The following STAB2 variants were observed in gnomAD, a reference collection of about 807,000 sequenced individuals.
STAB2 encodes stabilin 2, also known as stabilin-2.
Under a neutral mutation model 338.1 loss-of-function variants are expected in STAB2, and 288 were observed. That is an observed-to-expected ratio of 0.85 (90% CI 0.77 to 0.94). STAB2 has a LOEUF of 0.94. Among genes scored for constraint, STAB2 ranks in the 40% least tolerant of loss-of-function variants. The pLI, the probability that STAB2 is intolerant of heterozygous loss-of-function variation, is 0.00. For synonymous variants in STAB2, 1,202 were observed against 1,193.3 expected, an observed-to-expected ratio of 1.01 and a Z score of -0.15; for missense variants, 3,141 against 3,210.1, an observed-to-expected ratio of 0.98 and a Z score of 0.52.
In STAB2 at chr12:103,766,420, A is replaced by G; in HGVS notation, c.*84A>G. 6.7e-7 allele frequency: 1 copy of G among 1,488,148 alleles called. No homozygotes were observed. 92.2% of individuals were successfully genotyped at this position (1,488,148 alleles called of 1,614,324 possible). A position where few individuals can be genotyped will look rare whatever the true frequency, so the allele number is the denominator to read the frequency against. ...TTCTCAGCACCAGTTGCCTTTTAGG[A>G]ACGTAAAGTCCTTTAAGCACTCAGA... is the stretch of plus-strand genomic sequence containing the variant. On this transcript the variant is annotated 3_prime_UTR_variant, in exon 69 of 69. Transcript: ENST00000388887.
At position 103,677,487 on chromosome 12, in the gene STAB2, C is replaced by T. The variant is rs763455330; in HGVS notation, c.2681C>T (p.Thr894Ile). 4 of 1,613,940 alleles carry T rather than the reference C, an allele frequency of 2.5e-6. No homozygotes were observed. Among genetic ancestry groups the T allele is most frequent in the South Asian group, 1.1e-5 (1 of 91,074 alleles). The change falls in exon 25 of 69, where the codon ACC becomes ATC. Residue 894 changes from threonine (T) to isoleucine (I), a missense_variant. Coordinates refer to ENST00000388887, the MANE Select transcript of STAB2 (RefSeq NM_017564.10). ...ATCAAAACTGGCACGGGCACCCACACCTGCGTGTGTCAGCAGGGTTGGACA... is the reference window on the plus strand; with the variant it reads ...ATCAAAACTGGCACGGGCACCCACATCTGCGTGTGTCAGCAGGGTTGGACA... ...ECIKTGTGTH[T>I]CVCQQGWTGN...
chr12:103,746,748 G>T, intron 58 of STAB2, 44 bp downstream of exon 58: 2 of 1,592,166 alleles, frequency 1.3e-6, no homozygotes, highest in South Asian at 2.2e-5. Flanking sequence ...CATGGTGTGG[G>T]AGAGGAGCAG....
At chr12:103,736,406 C>A (rs543216862) in intron 52 of STAB2, among the ~76,000 whole-genome samples, 1 of 152,300 alleles carries the variant, frequency 6.6e-6, no homozygotes, top group African/African-American at 2.4e-5. Context: ...ATCTTATGAC[C>A]AGTATCCCTT....
intron 25 of STAB2, among the ~76,000 whole-genome samples, chr12:103,681,714 C>T (rs557725221): frequency 3.5e-4 from 53 of 150,388 alleles, no homozygotes; most frequent in Non-Finnish European, 5.8e-4. Context: ...CTCCACCTCC[C>T]GGGTTCAAGC....
In STAB2 at chr12:103,673,300, C is replaced by T. The variant is rs960823360; in HGVS notation, c.2372-607C>T. ...TCAAAGCGTCACATCCTCTTCCCCA[C>T]ACCCCACACACATATAGATAAAAAG... On this transcript the variant is annotated intron_variant, in intron 22 of 68. Transcript: ENST00000388887. Among the ~76,000 whole-genome samples, 17 of 152,192 alleles carry T rather than the reference C, an allele frequency of 1.1e-4. No homozygotes were observed. The East Asian group carries it at 2.3e-3, about 21-fold the overall frequency.
intron 52 of STAB2, among the ~76,000 whole-genome samples, chr12:103,736,068 G>C (rs1882097450): frequency 6.6e-6 from 1 of 152,168 alleles, no homozygotes; most frequent in African/African-American, 2.4e-5. Flanking sequence ...CTGTCTTCCT[G>C]TAATTCCATA....
chr12:103,669,503 TTGGGGG>T, intron 20 of STAB2, 32 bp from the exon 21 acceptor site: 1 of 1,538,958 alleles, frequency 6.5e-7, no homozygotes, highest in Non-Finnish European at 9.0e-7. Flanking sequence ...GGTGCTCTAC[TTGGGGG>T]TTCAAAGGGG....
chr12:103,745,665 G>T (rs1471336526), intron 57 of STAB2, among the ~76,000 whole-genome samples: 2 of 152,054 alleles, frequency 1.3e-5, no homozygotes, highest in African/African-American at 2.4e-5. Flanking sequence ...CTGACCCCTG[G>T]TTCTGCTACT....
In STAB2 at chr12:103,630,191, A is replaced by G. The variant is rs61010950; in HGVS notation, c.488-1407A>G. Among the ~76,000 whole-genome samples the G allele has an allele frequency of 2.2e-4, 34 of 152,358 alleles. No homozygotes were observed. In the East Asian group the frequency reaches 5.0e-3, roughly 22 times the overall value. On this transcript the variant is annotated intron_variant, in intron 5 of 68. Transcript: ENST00000388887. Reference sequence around the variant, plus strand: ...CAAGACGAGGTATCATGCTACTGCAATAGTCCAGGCAAAACATGATAAAGG... The same window carrying G: ...CAAGACGAGGTATCATGCTACTGCAGTAGTCCAGGCAAAACATGATAAAGG...
At chr12:103,703,463 C>T (rs971568844) in intron 35 of STAB2, among the ~76,000 whole-genome samples, 187 bp downstream of exon 35, 2 of 152,106 alleles carry the variant, frequency 1.3e-5, no homozygotes, top group Non-Finnish European at 2.9e-5. Context: ...AAGACATGAC[C>T]CCTGCCCTCA....
At chr12:103,716,025 C>T (rs1880285371) in intron 43 of STAB2, 137 bp downstream of exon 43, 6 of 966,918 alleles carry the variant, frequency 6.2e-6, no homozygotes, top group Non-Finnish European at 9.1e-6. Flanking sequence ...AGGGGAAATT[C>T]TGAAAGAATC....
chr12:103,655,366 C>G, intron 14 of STAB2, 59 bp downstream of exon 14: 1 of 1,602,468 alleles, frequency 6.2e-7, no homozygotes, highest in Non-Finnish European at 8.5e-7. Flanking sequence ...GTAAAATTAG[C>G]AGGGGTGTCA....
In STAB2 at chr12:103,750,692, C is replaced by T. The variant is rs577176538; in HGVS notation, c.6552C>T (p.Asp2184=). The change falls in exon 60 of 69, where the codon GAC becomes GAT. Residue 2184 remains aspartate (D), a synonymous_variant. Coordinates refer to ENST00000388887, the MANE Select transcript of STAB2 (RefSeq NM_017564.10). The part of the protein sequence containing the change: ...CLQDNGQCHA[D]AKCVDLHFQD... ...AGGACAATGGGCAGTGCCATGCAGACGCCAAATGTGTCGACCTCCACTTCC... is the reference window on the plus strand; with the variant it reads ...AGGACAATGGGCAGTGCCATGCAGATGCCAAATGTGTCGACCTCCACTTCC... 150 of 1,614,014 alleles carry T rather than the reference C, an allele frequency of 9.3e-5. No individual in the cohort carries two copies. The highest frequency in any genetic ancestry group is 1.3e-4 in the African/African-American group (10 of 75,068).
At position 103,637,873 on chromosome 12, in the gene STAB2, G is replaced by A. The variant is rs1176362138; in HGVS notation, c.710-143G>A. ...TGATGGCCATACATAAATCTGTCTG[G>A]TTCAGGGGGAAATGAAAGGAAATGT... On this transcript the variant is annotated intron_variant, in intron 7 of 68. Transcript: ENST00000388887. 7.0e-6 allele frequency: 6 copies of A among 853,376 alleles called. No individual in the cohort carries two copies. The East Asian group carries it at 1.5e-4, about 22-fold the overall frequency. The allele number at this position is 853,376 out of a possible 1,614,324, so 52.9% of individuals were successfully genotyped here. A position where few individuals can be genotyped will look rare whatever the true frequency, so the allele number is the denominator to read the frequency against.
rs1873510062 is a variant in STAB2 at position 103,648,678 on chromosome 12, C to T, written c.1041-12C>T. On this transcript the variant is annotated splice_polypyrimidine_tract_variant and intron_variant, in intron 9 of 68. Transcript: ENST00000388887. ...CTAAAACCCTGAGGATGTCTTTTCC[C>T]CCTCTCTGTAGATGCATTTGCCAGA... 1 of 1,612,206 alleles carries T rather than the reference C, an allele frequency of 6.2e-7. No individual in the cohort carries two copies. Among genetic ancestry groups the T allele is most frequent in the Non-Finnish European group, 8.5e-7 (1 of 1,179,134 alleles).
chr12:103,677,311 C>G, intron 24 of STAB2, 142 bp from the exon 25 acceptor site: 1 of 1,206,140 alleles, frequency 8.3e-7, no homozygotes, highest in African/African-American at 1.5e-5. Context: ...TTTCATGAAT[C>G]TCAATGTAAA....
rs774701962 is a variant in STAB2 at position 103,759,283 on chromosome 12, C to A, written c.7248+10C>A. ...GGACCCACTCCAACCGGTACAAAGT[C>A]TTCTGGGCTTCTTGGGGGAACGGGA... is the stretch of plus-strand genomic sequence containing the variant. On this transcript the variant is annotated intron_variant, in intron 65 of 68. Transcript: ENST00000388887. 3 of 1,612,084 alleles carry A rather than the reference C, an allele frequency of 1.9e-6. No individual in the cohort carries two copies. The highest frequency in any genetic ancestry group is 2.5e-6 in the Non-Finnish European group (3 of 1,178,962).
intron 33 of STAB2, among the ~76,000 whole-genome samples, chr12:103,696,897 T>C (rs2138937336): frequency 6.6e-6 from 1 of 152,142 alleles, no homozygotes; most frequent in South Asian, 2.1e-4. Context: ...GGGGGAGGAT[T>C]GTATATGGGA....
At position 103,685,008 on chromosome 12, in the gene STAB2, C is replaced by T. The variant is rs758782387; in HGVS notation, c.2921C>T (p.Ser974Leu). The change falls in exon 27 of 69, where the codon TCG (serine) becomes TTG (leucine). Residue 974 changes from serine (S) to leucine (L), a missense_variant. Physicochemically the swap from Ser to Leu is moderately radical, Grantham distance 145. Transcript: ENST00000388887. ...TCTCAGGCAAGCTGTCAATCTACTT[C>T]GTCTGGTGTCTGGAGCTGTGTTTGT... Reference protein sequence around the residue: ...CHPLASCQSTSSGVWSCVCQE... With the variant: ...CHPLASCQSTLSGVWSCVCQE... 2.4e-5 allele frequency: 38 copies of T among 1,613,752 alleles called. No homozygotes were observed. In the Admixed American group the frequency reaches 4.3e-4, roughly 18 times the overall value.
Sources: gnomAD v4.1 joint callset for allele counts (sites outside exome capture counted in the v4.1 genomes callset) on GRCh38, gnomAD v4.1.1 for gene constraint, MANE v1.5 for transcripts, NCBI Gene and HGNC (gene_info 2026-07-23, HGNC 2026-07-21) for gene names.